XKR6: variants seen among roughly 807,000 people sequenced by gnomAD.
XKR6 encodes the protein XK related 6.
Under a neutral mutation model 56.7 loss-of-function variants are expected in XKR6, and 22 were observed. The observed-to-expected ratio is 0.39, with a 90% CI of 0.28 to 0.55. The LOEUF (loss-of-function observed/expected upper bound fraction) is 0.55, where lower values mean the gene tolerates loss of function less well. XKR6 is among the 20% of genes least tolerant of loss of function. The pLI, the probability that XKR6 is intolerant of heterozygous loss-of-function variation, is 0.66. For missense variants in XKR6, 852 were observed against 889.0 expected, an observed-to-expected ratio of 0.96 and a Z score of 0.53; for synonymous variants, 524 against 387.8, an observed-to-expected ratio of 1.35 and a Z score of -4.13.
chr8:11,168,013 A>G (rs1377763528), intron 1 of XKR6, among the ~76,000 whole-genome samples: 1 of 152,156 alleles, frequency 6.6e-6, no homozygotes, highest in Non-Finnish European at 1.5e-5. Context: ...TAGTTGGGAA[A>G]AGTCACTTGA....
intron 1 of XKR6, chr8:11,114,126 A>G (rs1236679676): frequency 2.3e-6 from 1 of 429,602 alleles, no homozygotes; most frequent in Non-Finnish European, 4.5e-6. Flanking sequence ...TGAACAAATG[A>G]GCATGGAATG....
intron 2 of XKR6, among the ~76,000 whole-genome samples, chr8:10,905,278 C>T (rs1454165620): frequency 6.6e-6 from 1 of 152,184 alleles, no homozygotes; most frequent in Non-Finnish European, 1.5e-5. Flanking sequence ...TCACTCAGGT[C>T]GTGCGGCATT....
At chr8:11,165,159 G>A (rs1295077402) in intron 1 of XKR6, among the ~76,000 whole-genome samples, 1 of 135,878 alleles carries the variant, frequency 7.4e-6, no homozygotes, top group South Asian at 2.4e-4. Context: ...GAGTGCAATG[G>A]CACGATCTTG....
At chr8:11,134,881 C>T (rs1393019201) in intron 1 of XKR6, among the ~76,000 whole-genome samples, 2 of 151,976 alleles carry the variant, frequency 1.3e-5, no homozygotes, top group Non-Finnish European at 2.9e-5. Flanking sequence ...AAATGCTATA[C>T]AACCATAGAA....
chr8:10,967,514 G>A (rs1802260840), intron 1 of XKR6, among the ~76,000 whole-genome samples: 1 of 152,224 alleles, frequency 6.6e-6, no homozygotes, highest in East Asian at 1.9e-4. Context: ...AGTGCAGGCA[G>A]CACTGAGGCA....
At chr8:11,020,199 G>C (rs1254015529) in intron 1 of XKR6, among the ~76,000 whole-genome samples, 2 of 152,110 alleles carry the variant, frequency 1.3e-5, no homozygotes, top group Non-Finnish European at 2.9e-5. Context: ...TAATGGTCTT[G>C]GGAGTTGAGT....
intron 1 of XKR6, among the ~76,000 whole-genome samples, chr8:11,078,631 G>C (rs1332103117): frequency 1.3e-5 from 2 of 152,190 alleles, no homozygotes; most frequent in African/African-American, 4.8e-5. Context: ...CCCTTCCTGC[G>C]AGTCTCAAGA....
intron 1 of XKR6, among the ~76,000 whole-genome samples, chr8:11,198,741 T>C (rs1585047135): frequency 6.6e-6 from 1 of 152,152 alleles, no homozygotes; most frequent in Non-Finnish European, 1.5e-5. Context: ...CTCTCAGGAA[T>C]TTTAACCTGA....
intron 1 of XKR6, among the ~76,000 whole-genome samples, chr8:11,111,342 T>TAGTAA (rs1798881022): frequency 1.3e-5 from 2 of 152,188 alleles, no homozygotes; most frequent in African/African-American, 2.4e-5. Context: ...CATTGGCACT[T>TAGTAA]CTGCCCTACA....
chr8:10,961,238 A>G (rs1802050327), intron 1 of XKR6, among the ~76,000 whole-genome samples: 1 of 152,198 alleles, frequency 6.6e-6, no homozygotes, highest in African/African-American at 2.4e-5. Context: ...CAATTTACCA[A>G]TTAAGAAGAT....
At chr8:11,137,557 T>C (rs1274389722) in intron 1 of XKR6, 1 of 456,254 alleles carries the variant, frequency 2.2e-6, no homozygotes, top group East Asian at 6.9e-5. Flanking sequence ...CCCAGTGTTC[T>C]GGAAGAAAAA....
chr8:10,938,989 G>A (rs1366442601), intron 1 of XKR6, among the ~76,000 whole-genome samples: 2 of 152,190 alleles, frequency 1.3e-5, no homozygotes, highest in Admixed American at 6.5e-5. Flanking sequence ...TAAAGCTTAA[G>A]CTTCAGTGGG....
chr8:10,984,698 C>CTG (rs1797813909), intron 1 of XKR6, among the ~76,000 whole-genome samples: 1 of 31,660 alleles, frequency 3.2e-5, no homozygotes, highest in Non-Finnish European at 6.7e-5. Context: ...ATACATGGCT[C>CTG]TCTCTCTCTC....
chr8:11,155,286 T>A (rs1209628821), intron 1 of XKR6, among the ~76,000 whole-genome samples: 1 of 152,266 alleles, frequency 6.6e-6, no homozygotes. Context: ...CCTTGCCTTA[T>A]TAGTTAATTA....
chr8:11,076,810 G>T (rs1441180801), intron 1 of XKR6, among the ~76,000 whole-genome samples: 1 of 152,172 alleles, frequency 6.6e-6, no homozygotes, highest in Non-Finnish European at 1.5e-5. Flanking sequence ...CGTGCCCACT[G>T]CTACCTTGAA....
chr8:11,080,968 A>C (rs1283547030), intron 1 of XKR6, among the ~76,000 whole-genome samples: 3 of 152,258 alleles, frequency 2.0e-5, no homozygotes. Flanking sequence ...TTCACAGGAC[A>C]TATCAATGGC....
intron 2 of XKR6, among the ~76,000 whole-genome samples, chr8:10,914,937 G>A (rs574187973): frequency 6.6e-6 from 1 of 152,172 alleles, no homozygotes; most frequent in Non-Finnish European, 1.5e-5. Flanking sequence ...TCAGGACACT[G>A]TCCTCCAGGT....
intron 1 of XKR6, among the ~76,000 whole-genome samples, chr8:11,157,864 A>G (rs1801599584): frequency 6.6e-6 from 1 of 152,182 alleles, no homozygotes; most frequent in Non-Finnish European, 1.5e-5. Flanking sequence ...AATCTCTGAG[A>G]TTCCCAGTTT....
chr8:11,014,916 C>G (rs1798584298), intron 1 of XKR6, among the ~76,000 whole-genome samples: 1 of 152,214 alleles, frequency 6.6e-6, no homozygotes, highest in Non-Finnish European at 1.5e-5. Context: ...GAGAGAAAAG[C>G]TATGTCTTCA....
Sources: allele counts gnomAD v4.1 joint callset (sites outside exome capture counted in the v4.1 genomes callset), GRCh38; gene constraint gnomAD v4.1.1; transcripts MANE v1.5; gene names NCBI Gene and HGNC (gene_info 2026-07-23, HGNC 2026-07-21).